Variants in TRIP4 observed in about 807,000 individuals in gnomAD.
TRIP4 encodes activating signal cointegrator 1.
Under a neutral mutation model 81.8 loss-of-function variants are expected in TRIP4, and 54 were observed. The ratio of observed to expected loss-of-function variants is 0.66; its 90% CI spans 0.53 to 0.83. The LOEUF is 0.83. Ranked by LOEUF, TRIP4 falls within the 40% of genes least tolerant of loss-of-function variation. TRIP4 has a pLI of 0.00. For missense variants in TRIP4, 662 were observed against 683.6 expected (o/e 0.97, Z 0.35); for synonymous variants, 270 against 242.8 (o/e 1.11, Z -1.04).
At chr15:64,395,359 T>C (rs773692067) in intron 2 of TRIP4, 39 bp from the exon 3 acceptor site, 51 of 1,554,518 alleles carry the variant, frequency 3.3e-5, no homozygotes, top group Non-Finnish European at 4.2e-5. Flanking sequence ...CTCTTATCAA[T>C]CTGTGTGTGT....
At chr15:64,431,872 G>GTT (rs1426771087) in intron 11 of TRIP4, among the ~76,000 whole-genome samples, 4 of 80,788 alleles carry the variant, frequency 5.0e-5, no homozygotes, top group Non-Finnish European at 7.3e-5. Flanking sequence ...AGAGCATTGT[G>GTT]TTTTCTTTTT....
At chr15:64,408,113 C>T (rs1360556629) in intron 6 of TRIP4, among the ~76,000 whole-genome samples, 5 of 149,680 alleles carry the variant, frequency 3.3e-5, no homozygotes, top group African/African-American at 4.9e-5. Context: ...AAAAAAAATT[C>T]CTCCAGAGTA....
chr15:64,413,027 A>G (rs1343270411), intron 7 of TRIP4, among the ~76,000 whole-genome samples: 18 of 152,110 alleles, frequency 1.2e-4, no homozygotes, highest in Non-Finnish European at 1.5e-5. Context: ...GTTCTGGGCC[A>G]GTAGGGTACC....
intron 11 of TRIP4, among the ~76,000 whole-genome samples, chr15:64,428,765 C>A (rs963355242): frequency 6.6e-6 from 1 of 151,970 alleles, no homozygotes; most frequent in Non-Finnish European, 1.5e-5. Context: ...CATACCACCA[C>A]ACCTGGCCAT....
intron 4 of TRIP4, among the ~76,000 whole-genome samples, chr15:64,399,642 C>T (rs992754142): frequency 6.6e-6 from 1 of 152,068 alleles, no homozygotes; most frequent in Non-Finnish European, 1.5e-5. Context: ...GCTGGGATTA[C>T]AGGTGCCCAC....
At chr15:64,412,747 G>A (rs1233950332) in intron 7 of TRIP4, among the ~76,000 whole-genome samples, 1 of 152,114 alleles carries the variant, frequency 6.6e-6, no homozygotes. Flanking sequence ...CAAACGTTTT[G>A]TCAAGCATCC....
At chr15:64,407,483 C>G (rs557878194) in intron 6 of TRIP4, among the ~76,000 whole-genome samples, 68 of 151,966 alleles carry the variant, frequency 4.5e-4, no homozygotes, top group Non-Finnish European at 7.4e-4. Context: ...CTGGCTAACA[C>G]AGTGAAACCC....
chr15:64,391,401 C>A (rs1287039470), intron 1 of TRIP4, among the ~76,000 whole-genome samples: 1 of 151,744 alleles, frequency 6.6e-6, no homozygotes, highest in Non-Finnish European at 1.5e-5. Flanking sequence ...GTGGTCTGCC[C>A]GCCTCAGCCT....
chr15:64,413,733 G>T (rs549682273), intron 7 of TRIP4, among the ~76,000 whole-genome samples: 3 of 151,980 alleles, frequency 2.0e-5, no homozygotes, highest in African/African-American at 7.2e-5. Context: ...GACTACAGGC[G>T]TGTGCTACCA....
chr15:64,407,403 C>A (rs935678032), intron 6 of TRIP4, among the ~76,000 whole-genome samples: 3 of 152,154 alleles, frequency 2.0e-5, no homozygotes, highest in Non-Finnish European at 4.4e-5. Flanking sequence ...CACGGTGGCT[C>A]ACACCTGTAA....
rs925788296 is a variant in TRIP4 at position 64,437,096 on chromosome 15, A to G, written c.1576-7910A>G. Among the ~76,000 whole-genome samples the G allele has an allele frequency of 2.6e-5, 4 of 152,000 alleles. No individual in the cohort carries two copies. In the South Asian group the frequency reaches 8.3e-4, roughly 32 times the overall value. ...TAGGTGCACAGTAAGTGGTCATGAC[A>G]ATAAATAGAGAGGGAGACAATGGTA... On this transcript the variant is annotated intron_variant, in intron 11 of 12. Transcript: ENST00000261884.
At chr15:64,417,577 C>A (rs1480599662) in intron 8 of TRIP4, among the ~76,000 whole-genome samples, 1 of 152,192 alleles carries the variant, frequency 6.6e-6, no homozygotes, top group Non-Finnish European at 1.5e-5. Flanking sequence ...TTGCCATTCT[C>A]TGTCTGAACT....
At chr15:64,416,378 GA>G (rs1346847703) in intron 8 of TRIP4, among the ~76,000 whole-genome samples, 1 of 152,052 alleles carries the variant, frequency 6.6e-6, no homozygotes, top group Non-Finnish European at 1.5e-5. Context: ...AGTAGAAATA[GA>G]AAAAATAATT....
rs1475292216 is a variant in TRIP4, at chr15:64,402,815, C to T, written c.697+1994C>T. On this transcript the variant is annotated intron_variant, in intron 5 of 12. Transcript: ENST00000261884. ...TGCTGAGATTACAGGCGTGAGCCAC[C>T]GCACTTGGTCAGTTAAGGACATTAT... Among the ~76,000 whole-genome samples the T allele has an allele frequency of 2.6e-5, 4 of 152,144 alleles. No individual in the cohort carries two copies. The Middle Eastern group carries it at 0.01, about 388-fold the overall frequency.
At chr15:64,431,677 G>T (rs549239750) in intron 11 of TRIP4, among the ~76,000 whole-genome samples, 14 of 151,240 alleles carry the variant, frequency 9.3e-5, no homozygotes, top group Middle Eastern at 3.4e-3. Flanking sequence ...CTGCACTCCA[G>T]CCTGGGCAAC....
intron 4 of TRIP4, 58 bp from the exon 5 acceptor site, chr15:64,400,685 C>A: frequency 2.2e-6 from 3 of 1,378,468 alleles, no homozygotes; most frequent in Non-Finnish European, 3.1e-6. Context: ...TTAGATATAT[C>A]AAGAAAGCAA....
At chr15:64,426,426 G>A (rs1304232796) in intron 11 of TRIP4, among the ~76,000 whole-genome samples, 2 of 152,000 alleles carry the variant, frequency 1.3e-5, no homozygotes, top group Non-Finnish European at 2.9e-5. Flanking sequence ...CAGGTCGGGC[G>A]CAGTGGCTTA....
intron 11 of TRIP4, among the ~76,000 whole-genome samples, chr15:64,433,537 G>C (rs962530134): frequency 2.6e-5 from 4 of 152,164 alleles, no homozygotes; most frequent in Non-Finnish European, 4.4e-5. Context: ...CCAGGAGGCA[G>C]AGGCTGCAGT....
chr15:64,387,906 T>C lies in TRIP4; in HGVS notation c.43T>C (p.Trp15Arg). ...GGTGTCCGGGGAGCCGCTGGTGCAC[T>C]GGTGCACCCAGCAGTTGCGGAAGAC... Reference protein sequence around the residue: ...GAVSGEPLVHWCTQQLRKTFG... With the variant: ...GAVSGEPLVHRCTQQLRKTFG... Residue 15 changes from tryptophan (W) to arginine (R), a missense_variant, in exon 1 of 13, where the codon TGG (tryptophan) becomes CGG (arginine). Trp to Arg is a moderately radical substitution (Grantham distance 101). Transcript: ENST00000261884. 2 of 1,550,462 alleles carry C rather than the reference T, an allele frequency of 1.3e-6. No homozygotes were observed. The highest frequency in any genetic ancestry group is 1.7e-6 in the Non-Finnish European group (2 of 1,147,038).
Sources: allele counts gnomAD v4.1 joint callset (sites outside exome capture counted in the v4.1 genomes callset), GRCh38; gene constraint gnomAD v4.1.1; transcripts MANE v1.5; gene names NCBI Gene and HGNC (gene_info 2026-07-23, HGNC 2026-07-21).